The following ADAM32 variants were observed in gnomAD, a reference collection of about 807,000 sequenced individuals.
The protein encoded by ADAM32 is ADAM metallopeptidase domain 32.
In ADAM32, 89 loss-of-function variants were observed where a neutral mutation model predicts 114.9. The ratio of observed to expected loss-of-function variants is 0.77; its 90% CI spans 0.65 to 0.92. ADAM32 has a LOEUF of 0.92. Among genes scored for constraint, ADAM32 ranks in the 40% least tolerant of loss-of-function variants. The pLI is 0.00. For synonymous variants in ADAM32, 285 were observed against 307.5 expected (o/e 0.93, Z 0.77); for missense variants, 870 against 932.8 (o/e 0.93, Z 0.88).
chr8:39,257,865 T>C (rs979863297), intron 19 of ADAM32, among the ~76,000 whole-genome samples: 1 of 152,132 alleles, frequency 6.6e-6, no homozygotes, highest in African/African-American at 2.4e-5. Flanking sequence ...TTGCCCACCA[T>C]GGGAAATAAA....
chr8:39,107,943 T>G (rs1839995390), intron 1 of ADAM32, 110 bp downstream of exon 1: 1 of 1,361,846 alleles, frequency 7.3e-7, no homozygotes, highest in Non-Finnish European at 9.6e-7. Flanking sequence ...CCTGTCACCC[T>G]GGCAACGGGG....
intron 11 of ADAM32, among the ~76,000 whole-genome samples, chr8:39,189,835 T>C (rs1419911589): frequency 6.6e-6 from 1 of 152,074 alleles, no homozygotes; most frequent in Non-Finnish European, 1.5e-5. Context: ...TCTCGCTCTG[T>C]TGCCCAGGCT....
rs1812458385 is a variant in ADAM32, at chr8:39,267,773, C to G, written c.2163-3103C>G. ...GTTGGACTGCACAATCTAAGCTGAA[C>G]CCGGTTGGCTAACTTGAAAAGTGCA... is the stretch of plus-strand genomic sequence containing the variant. On this transcript the variant is annotated intron_variant, in intron 19 of 24. Transcript: ENST00000379907. 3.9e-5 allele frequency among the ~76,000 whole-genome samples: 6 copies of G among 152,146 alleles called. No homozygotes were observed. In the South Asian group the frequency reaches 1.2e-3, roughly 31 times the overall value.
Position 39,270,931 on chromosome 8 carries a change from G to T in ADAM32, c.2201+17G>T, listed in dbSNP as rs1341013439. The T allele has an allele frequency of 6.3e-7, 1 of 1,598,034 alleles. No homozygotes were observed. Among genetic ancestry groups the T allele is most frequent in the Admixed American group, 1.7e-5 (1 of 57,320 alleles). On this transcript the variant is annotated intron_variant, in intron 20 of 24. Transcript: ENST00000379907. ...TGCCAGCCAGTAAGTAGTTTAGAAG[G>T]TGTTTTTAAGATACATGTTGAAAAT...
At chr8:39,281,291 C>T in intron 23 of ADAM32, 117 bp downstream of exon 23, 1 of 374,046 alleles carries the variant, frequency 2.7e-6, no homozygotes, top group East Asian at 5.7e-5. Flanking sequence ...TCGATAAAGT[C>T]TACACCAAAC....
chr8:39,180,006 C>G (rs1805752665), intron 10 of ADAM32, among the ~76,000 whole-genome samples: 1 of 152,250 alleles, frequency 6.6e-6, no homozygotes, highest in Non-Finnish European at 1.5e-5. Flanking sequence ...TGGGCTCCCA[C>G]TTTGGCAGCA....
intron 16 of ADAM32, 54 bp from the exon 17 acceptor site, chr8:39,246,029 T>C: frequency 7.5e-7 from 1 of 1,334,978 alleles, no homozygotes; most frequent in Non-Finnish European, 1.1e-6. Context: ...TGTAATGTTA[T>C]GATGACTGTA....
intron 16 of ADAM32, 86 bp downstream of exon 16, chr8:39,234,168 C>A: frequency 2.0e-6 from 2 of 983,538 alleles, no homozygotes; most frequent in South Asian, 4.0e-5. Flanking sequence ...TAATTTAGTG[C>A]TAGTATTAGG....
At chr8:39,207,804 C>G (rs1349878199) in intron 11 of ADAM32, among the ~76,000 whole-genome samples, 2 of 152,208 alleles carry the variant, frequency 1.3e-5, no homozygotes, top group Non-Finnish European at 2.9e-5. Flanking sequence ...AAAAATTTCA[C>G]ACGTGAGTGT....
chr8:39,225,785 A>C (rs1243479976), intron 14 of ADAM32, among the ~76,000 whole-genome samples: 1 of 92,462 alleles, frequency 1.1e-5, no homozygotes, highest in African/African-American at 2.8e-5. Flanking sequence ...CCCATGGAGT[A>C]AGATTTTTTT....
rs759526816 is a variant in ADAM32 at position 39,257,165 on chromosome 8, T to G, written c.2006-22T>G. 132 of 1,521,720 alleles carry G rather than the reference T, an allele frequency of 8.7e-5. 1 individual carries two copies. In the South Asian group the frequency reaches 1.4e-3, roughly 16 times the overall value. The allele number at this position is 1,521,720 out of a possible 1,614,324, so 94.3% of individuals were successfully genotyped here. A position where few individuals can be genotyped will look rare whatever the true frequency, so the allele number is the denominator to read the frequency against. On this transcript the variant is annotated intron_variant, in intron 18 of 24. Coordinates refer to ENST00000379907, the MANE Select transcript of ADAM32 (RefSeq NM_145004.7). ...GATAGTTTAATTTTTTTGTTTTTTT[T>G]TTTTTGTATTTCTGTTTTTAGGTTC... is the stretch of plus-strand genomic sequence containing the variant.
In ADAM32 at chr8:39,256,038, G is replaced by A. The variant is rs10101131; in HGVS notation, c.2006-1149G>A. On this transcript the variant is annotated intron_variant, in intron 18 of 24. Transcript: ENST00000379907. ...TTTGTTGAAGATCAGTTGGCTGTAC[G>A]TACTTGGCTTTATTTCTGGATTCCC... 5.6e-3 allele frequency among the ~76,000 whole-genome samples: 843 copies of A among 151,850 alleles called. 3 individuals are homozygous for A. The highest frequency in any genetic ancestry group is 0.019 in the African/African-American group (780 of 41,474).
At chr8:39,274,841 C>A (rs1401730016) in intron 21 of ADAM32, among the ~76,000 whole-genome samples, 2 of 152,146 alleles carry the variant, frequency 1.3e-5, no homozygotes, top group African/African-American at 4.8e-5. Flanking sequence ...GTAAACAAAC[C>A]TACTGTGCTT....
chr8:39,118,370 T>C (rs546764874), intron 2 of ADAM32, among the ~76,000 whole-genome samples: 24 of 152,254 alleles, frequency 1.6e-4, no homozygotes, highest in African/African-American at 5.8e-4. Context: ...TTTCTTATGG[T>C]AAATTATTTT....
At chr8:39,211,440 TG>T in intron 12 of ADAM32, 116 bp downstream of exon 12, 1 of 1,054,410 alleles carries the variant, frequency 9.5e-7, no homozygotes, top group Non-Finnish European at 1.3e-6. Context: ...TGACAGTAAG[TG>T]AAGTTGGGTC....
chr8:39,240,778 C>G (rs1016370836), intron 16 of ADAM32, among the ~76,000 whole-genome samples: 1 of 152,120 alleles, frequency 6.6e-6, no homozygotes, highest in African/African-American at 2.4e-5. Context: ...GTTCAATTAC[C>G]TTCCAACACA....
intron 2 of ADAM32, among the ~76,000 whole-genome samples, chr8:39,129,686 C>G (rs2129444765): frequency 6.6e-6 from 1 of 152,246 alleles, no homozygotes; most frequent in East Asian, 1.9e-4. Context: ...ATTCTGACCT[C>G]ATAGACTATA....
At position 39,284,725 on chromosome 8, in the gene ADAM32, T is replaced by C; in HGVS notation, c.2358-68T>C. 1.3e-6 allele frequency: 2 copies of C among 1,574,258 alleles called. 1 individual carries two copies. Among genetic ancestry groups the C allele is most frequent in the Admixed American group, 3.4e-5 (2 of 59,602 alleles). ...ATTTTCCACTTGGCAATACCTCAGC[T>C]GCTTGTACAGTGGGAGGGAATTTGC... On this transcript the variant is annotated intron_variant, in intron 24 of 24. Transcript: ENST00000379907.
chr8:39,183,730 A>G (rs1806053434), intron 10 of ADAM32, among the ~76,000 whole-genome samples: 1 of 152,232 alleles, frequency 6.6e-6, no homozygotes, highest in Non-Finnish European at 1.5e-5. Context: ...CAGCCATTAC[A>G]GTCTTGTATT....
Sources: gnomAD v4.1 joint callset for allele counts (sites outside exome capture counted in the v4.1 genomes callset) on GRCh38, gnomAD v4.1.1 for gene constraint, MANE v1.5 for transcripts, NCBI Gene and HGNC (gene_info 2026-07-23, HGNC 2026-07-21) for gene names.